ZNF721: variants seen among roughly 807,000 people sequenced by gnomAD.
ZNF721 encodes zinc finger protein 721.
A neutral mutation model predicts 2.4 loss-of-function variants in ZNF721; 2 were observed. That is an observed-to-expected ratio of 0.82 (90% CI 0.34 to 2.58). ZNF721 has a LOEUF of 2.58. ZNF721 is among the 30% of genes most tolerant of loss of function. The pLI is 0.11. For missense variants in ZNF721, 1,187 were observed against 1,085.5 expected (o/e 1.09, Z -1.31); for synonymous variants, 398 against 381.8 (o/e 1.04, Z -0.50).
chr4:482,030 T>C (rs1715783638), intron 1 of ZNF721, among the ~76,000 whole-genome samples: 1 of 152,240 alleles, frequency 6.6e-6, no homozygotes, highest in Non-Finnish European at 1.5e-5. Flanking sequence ...ATGAAATTTA[T>C]GTGCACTTGG....
chr4:468,560 T>C (rs1715331610), intron 2 of ZNF721, among the ~76,000 whole-genome samples: 1 of 152,182 alleles, frequency 6.6e-6, no homozygotes, highest in Non-Finnish European at 1.5e-5. Flanking sequence ...TATAGATTAA[T>C]GTCCTCAAGG....
intron 1 of ZNF721, among the ~76,000 whole-genome samples, chr4:487,237 T>C (rs1483055742): frequency 6.6e-6 from 1 of 152,218 alleles, no homozygotes; most frequent in South Asian, 2.1e-4. Flanking sequence ...TGCACTGGCA[T>C]AGTGTGCCAG....
Position 441,577 on chromosome 4 carries a change from A to G in ZNF721, c.*118T>C. On this transcript the variant is annotated 3_prime_UTR_variant, in exon 3 of 3. Transcript: ENST00000511833. ...ATTATGAATTATCTTATGATTAGAAAGGATTGAGGAGCATTTAAAGACCGC... is the reference window on the plus strand; with the variant it reads ...ATTATGAATTATCTTATGATTAGAAGGGATTGAGGAGCATTTAAAGACCGC... 1 of 789,652 alleles carries G rather than the reference A, an allele frequency of 1.3e-6. No individual in the cohort carries two copies. The highest frequency in any genetic ancestry group is 2.0e-6 in the Non-Finnish European group (1 of 510,986). The allele number at this position is 789,652 out of a possible 1,614,324, so 48.9% of individuals were successfully genotyped here.
At chr4:474,067 T>C in intron 1 of ZNF721, 2 of 1,441,000 alleles carry the variant, frequency 1.4e-6, no homozygotes, top group Middle Eastern at 1.9e-4. Context: ...GCTGAGGCTC[T>C]GGCAAAATCA....
At chr4:468,162 G>A (rs1172281784) in intron 2 of ZNF721, among the ~76,000 whole-genome samples, 2 of 152,088 alleles carry the variant, frequency 1.3e-5, no homozygotes, top group Non-Finnish European at 2.9e-5. Flanking sequence ...AGCTACTTGG[G>A]GGGCTGAGGC....
intron 1 of ZNF721, among the ~76,000 whole-genome samples, chr4:496,976 T>G (rs1233470221): frequency 1.3e-5 from 2 of 151,580 alleles, no homozygotes; most frequent in African/African-American, 4.9e-5. Flanking sequence ...CCTCCCAAAG[T>G]GCTGGGATTA....
At chr4:447,836 G>A (rs1714526308) in intron 2 of ZNF721, among the ~76,000 whole-genome samples, 1 of 125,492 alleles carries the variant, frequency 8.0e-6, no homozygotes, top group Admixed American at 7.5e-5. Flanking sequence ...CCTTTACTGG[G>A]AACTCAACGA....
At chr4:465,463 ACT>A (rs1325655319) in intron 2 of ZNF721, among the ~76,000 whole-genome samples, 3 of 147,964 alleles carry the variant, frequency 2.0e-5, no homozygotes, top group Non-Finnish European at 4.5e-5. Context: ...ACGGAGTCTC[ACT>A]CTGTCGCCCA....
intron 2 of ZNF721, among the ~76,000 whole-genome samples, chr4:467,170 T>C (rs1267729424): frequency 1.9e-4 from 29 of 151,984 alleles, no homozygotes; most frequent in Admixed American, 1.1e-3. Context: ...TGAGCCGAGA[T>C]TGCGCCACTG....
In ZNF721 at chr4:441,723, T is replaced by A. The variant is rs782477741; in HGVS notation, c.2744A>T (p.His915Leu). Residue 915 changes from histidine (H) to leucine (L), a missense_variant, in exon 3 of 3, where the codon CAT becomes CTT. His to Leu is a moderately conservative substitution (Grantham distance 99, BLOSUM62 -3). Coordinates refer to ENST00000511833, the MANE Select transcript of ZNF721 (RefSeq NM_133474.4). ...CACTTGTATGGTTTTATCTCCAGTA[T>A]GAATTTTCTTATGTGCATAAAGATT... ...SANLYAHKKIHTGDKTIQV is the reference protein window; with the variant it reads ...SANLYAHKKILTGDKTIQV The A allele has an allele frequency of 6.2e-7, 1 of 1,611,958 alleles. No homozygotes were observed. The highest frequency in any genetic ancestry group is 8.5e-7 in the Non-Finnish European group (1 of 1,178,718).
chr4:441,548 CTTCA>C lies in ZNF721; in HGVS notation c.*143_*146del, dbSNP rs1334628414. ...ACATTTTTCACATTTTAGAGTTTCT[CTTCA>C]TTATGAATTATCTTATGATTAGAAA... is the stretch of plus-strand genomic sequence containing the variant. On this transcript the variant is annotated 3_prime_UTR_variant, in exon 3 of 3. Coordinates refer to ENST00000511833, the MANE Select transcript of ZNF721 (RefSeq NM_133474.4). 8 of 684,520 alleles carry C rather than the reference CTTCA, an allele frequency of 1.2e-5. No homozygotes were observed. Among genetic ancestry groups the C allele is most frequent in the African/African-American group, 9.0e-5 (5 of 55,614 alleles). The allele number at this position is 684,520 out of a possible 1,614,324, so 42.4% of individuals were successfully genotyped here.
At chr4:445,459 T>C (rs1314194171) in intron 2 of ZNF721, among the ~76,000 whole-genome samples, 3 of 152,102 alleles carry the variant, frequency 2.0e-5, no homozygotes, top group East Asian at 1.9e-4. Flanking sequence ...TTGTGACAAA[T>C]AGCTTTTTGT....
chr4:485,672 T>C (rs543936702), intron 1 of ZNF721, among the ~76,000 whole-genome samples: 1 of 152,324 alleles, frequency 6.6e-6, no homozygotes, highest in Non-Finnish European at 1.5e-5. Flanking sequence ...AAATCGCCAT[T>C]GCCTGGGTCT....
At chr4:489,444 G>A (rs1165732588) in intron 1 of ZNF721, among the ~76,000 whole-genome samples, 2 of 152,178 alleles carry the variant, frequency 1.3e-5, no homozygotes, top group African/African-American at 4.8e-5. Flanking sequence ...TCCTGGTCAT[G>A]GGAAGAGAGC....
chr4:491,644 A>T (rs925858831), intron 1 of ZNF721, among the ~76,000 whole-genome samples: 8 of 152,332 alleles, frequency 5.3e-5, no homozygotes, highest in Admixed American at 6.5e-5. Context: ...ACAAAATTCC[A>T]GACAAGACAC....
chr4:458,625 C>A (rs1425799543), intron 2 of ZNF721, among the ~76,000 whole-genome samples: 1 of 152,140 alleles, frequency 6.6e-6, no homozygotes, highest in Non-Finnish European at 1.5e-5. Context: ...GCGGGCATAT[C>A]ACCCAAGGTC....
chr4:450,723 G>A (rs782601050), intron 2 of ZNF721, among the ~76,000 whole-genome samples: 41 of 151,520 alleles, frequency 2.7e-4, no homozygotes, highest in South Asian at 1.0e-3. Context: ...ACATCACGAC[G>A]TCAGGAGATC....
At chr4:462,620 T>G (rs1303979064) in intron 2 of ZNF721, among the ~76,000 whole-genome samples, 2 of 152,190 alleles carry the variant, frequency 1.3e-5, no homozygotes, top group African/African-American at 4.8e-5. Flanking sequence ...CCATCTGATC[T>G]TCGACAAACC....
Position 450,947 on chromosome 4 carries a change from AAAAAAAAAAATATATATAT to A in ZNF721, c.35-6534_35-6516del, listed in dbSNP as rs1197126536. ...GCAAGACTCTGTCTCCAAAAAAAAAAAAAAAAAAAATATATATATATATATATATATATATATATATATA... is the reference window on the plus strand; with the variant it reads ...GCAAGACTCTGTCTCCAAAAAAAAAAATATATATATATATATATATATATA... On this transcript the variant is annotated intron_variant, in intron 2 of 2. Transcript: ENST00000511833. Among the ~76,000 whole-genome samples, 24 of 44,760 alleles carry A rather than the reference AAAAAAAAAAATATATATAT, an allele frequency of 5.4e-4. 1 individual carries two copies. The highest frequency in any genetic ancestry group is 1.8e-3 in the Admixed American group (6 of 3,358). 29.4% of individuals were successfully genotyped at this position (44,760 alleles called of 152,430 possible).
Sources: allele counts gnomAD v4.1 joint callset (sites outside exome capture counted in the v4.1 genomes callset), GRCh38; gene constraint gnomAD v4.1.1; transcripts MANE v1.5; gene names NCBI Gene and HGNC (gene_info 2026-07-23, HGNC 2026-07-21).